APOBEC1: variants seen among roughly 807,000 people sequenced by gnomAD.
APOBEC1 encodes C->U-editing enzyme APOBEC-1.
Under a neutral mutation model 26.3 loss-of-function variants are expected in APOBEC1, and 22 were observed. The ratio of observed to expected loss-of-function variants is 0.84; its 90% CI spans 0.60 to 1.19. The LOEUF is 1.19. Among genes scored for constraint, APOBEC1 ranks in the 50% most tolerant of loss-of-function variants. The pLI is 0.00. For missense variants in APOBEC1, 253 were observed against 289.0 expected, an observed-to-expected ratio of 0.88 and a Z score of 0.90; for synonymous variants, 77 against 95.3, an observed-to-expected ratio of 0.81 and a Z score of 1.12.
chr12:7,665,990 G>T, upstream of APOBEC1: 1 of 1,022,296 alleles, frequency 9.8e-7, no homozygotes, highest in Non-Finnish European at 1.6e-6. Flanking sequence ...ACTCATTCCC[G>T]CATCTCAGGC....
At chr12:7,657,039 T>C (rs1246725651) in intron 1 of APOBEC1, among the ~76,000 whole-genome samples, 1 of 138,930 alleles carries the variant, frequency 7.2e-6, no homozygotes, top group Admixed American at 7.4e-5. Flanking sequence ...GTGTGTTGTA[T>C]ATACGTGTGT....
rs753464442 is a variant in APOBEC1 at position 7,658,360 on chromosome 12, G to A, written c.17-3728C>T. On this transcript the variant is annotated intron_variant, in intron 1 of 4. Transcript: ENST00000229304. ...ATTACAGGCGTGAGCCACCGTGCCC[G>A]GCCAAAATTGGGTTTTTATTTCAGG... Among the ~76,000 whole-genome samples the A allele has an allele frequency of 1.1e-3, 174 of 152,268 alleles. 2 individuals carry two copies. The highest frequency in any genetic ancestry group is 4.0e-3 in the African/African-American group (166 of 41,546).
intron 1 of APOBEC1, among the ~76,000 whole-genome samples, chr12:7,660,410 A>AAGAAAGAAAGAAAGAAAGAAAGAGAG (rs111744018): frequency 2.4e-5 from 2 of 84,260 alleles, no homozygotes; most frequent in African/African-American, 9.2e-5. Flanking sequence ...GAAAGAAAGA[A>AAGAAAGAAAGAAAGAAAGAAAGAGAG]AGAGAGGGTA....
At chr12:7,668,683 C>T (rs1863921116), upstream of APOBEC1, among the ~76,000 whole-genome samples, 1 of 152,026 alleles carries the variant, frequency 6.6e-6, no homozygotes, top group African/African-American at 2.4e-5. Context: ...TATGTAACTA[C>T]TCCAGTCAAG....
intron 1 of APOBEC1, among the ~76,000 whole-genome samples, chr12:7,661,202 T>C (rs1424589186): frequency 1.0e-5 from 1 of 99,130 alleles, no homozygotes; most frequent in African/African-American, 4.3e-5. Flanking sequence ...CGAGACTCCG[T>C]CTCAAAAAAA....
chr12:7,660,398 A>C (rs1166860609), intron 1 of APOBEC1, among the ~76,000 whole-genome samples: 21 of 104,700 alleles, frequency 2.0e-4, no homozygotes, highest in Non-Finnish European at 3.6e-4. Context: ...GAAAGAAAGA[A>C]AGAAAGAAAG....
chr12:7,663,927 G>C (rs760250980), intron 1 of APOBEC1, among the ~76,000 whole-genome samples: 16 of 152,008 alleles, frequency 1.1e-4, no homozygotes, highest in Non-Finnish European at 2.1e-4. Context: ...CGCGATCTCG[G>C]CTCACTGCAA....
intron 1 of APOBEC1, among the ~76,000 whole-genome samples, chr12:7,661,428 A>T (rs1308080716): frequency 6.6e-6 from 1 of 152,122 alleles, no homozygotes. Flanking sequence ...ATTATAATTA[A>T]AAAATAAGAA....
chr12:7,665,805 A>ACACACACACC (rs1863885420), intron 1 of APOBEC1, 52 bp downstream of exon 1: 2 of 1,376,486 alleles, frequency 1.5e-6, no homozygotes, highest in South Asian at 2.3e-5. Context: ...ACACACACAC[A>ACACACACACC]CCATTCTTGC....
chr12:7,665,483 A>C (rs950735296), intron 1 of APOBEC1, among the ~76,000 whole-genome samples: 2 of 151,856 alleles, frequency 1.3e-5, no homozygotes, highest in East Asian at 3.9e-4. Flanking sequence ...TTTTTAGTAC[A>C]GATAGGGTTT....
At chr12:7,665,957 G>T, upstream of APOBEC1, 2 of 1,417,374 alleles carry the variant, frequency 1.4e-6, no homozygotes, top group Non-Finnish European at 2.0e-6. Context: ...TGTGCCCACT[G>T]CCACCTGCTT....
intron 2 of APOBEC1, among the ~76,000 whole-genome samples, 196 bp downstream of exon 2, chr12:7,654,409 T>C (rs1033598900): frequency 2.7e-5 from 4 of 149,126 alleles, no homozygotes; most frequent in Non-Finnish European, 5.9e-5. Context: ...TCTCAGTCTG[T>C]TACCCCGGCT....
chr12:7,650,997 A>T, intron 4 of APOBEC1, 26 bp downstream of exon 4: 1 of 1,508,894 alleles, frequency 6.6e-7, no homozygotes, highest in Non-Finnish European at 9.1e-7. Flanking sequence ...TTTTGCATCA[A>T]CATTTGTGTC....
At chr12:7,655,410 G>A (rs1248525566) in intron 1 of APOBEC1, among the ~76,000 whole-genome samples, 1 of 152,072 alleles carries the variant, frequency 6.6e-6, no homozygotes, top group African/African-American at 2.4e-5. Flanking sequence ...AGCTACTTGG[G>A]AGGCTGAGGC....
chr12:7,669,899 C>T (rs1357265077), upstream of APOBEC1, among the ~76,000 whole-genome samples: 1 of 151,918 alleles, frequency 6.6e-6, no homozygotes, highest in Non-Finnish European at 1.5e-5. Flanking sequence ...ATGCAATGAA[C>T]ATCTTTTCAT....
intron 1 of APOBEC1, among the ~76,000 whole-genome samples, chr12:7,662,073 C>T (rs769610445): frequency 1.4e-3 from 175 of 121,136 alleles, no homozygotes; most frequent in Middle Eastern, 4.3e-3. Flanking sequence ...AGCAAGACCC[C>T]GTCTCTAAAA....
chr12:7,669,970 TC>T (rs1187593382), upstream of APOBEC1, among the ~76,000 whole-genome samples: 1 of 151,786 alleles, frequency 6.6e-6, no homozygotes, highest in African/African-American at 2.4e-5. Flanking sequence ...TTGTCTTCCC[TC>T]CCTACCTCGC....
chr12:7,660,334 GGGAAGGAAGGAA>G (rs756648758), intron 1 of APOBEC1, among the ~76,000 whole-genome samples: 15 of 35,754 alleles, frequency 4.2e-4, no homozygotes, highest in South Asian at 2.4e-3. Context: ...AAGGAAGGAA[GGGAAGGAAGGAA>G]GGAAGGAAGG....
At chr12:7,660,375 G>GAAAGAAAAAGAAAGAAAGAAAGAAAGAAA (rs1555094887) in intron 1 of APOBEC1, among the ~76,000 whole-genome samples, 16 of 23,970 alleles carry the variant, frequency 6.7e-4, no homozygotes, top group African/African-American at 2.0e-3. Context: ...AAGGAAGGAA[G>GAAAGAAAAAGAAAGAAAGAAAGAAAGAAA]GAAAGAAAGA....
Sources: allele counts gnomAD v4.1 joint callset (sites outside exome capture counted in the v4.1 genomes callset), GRCh38; gene constraint gnomAD v4.1.1; transcripts MANE v1.5; gene names NCBI Gene and HGNC (gene_info 2026-07-23, HGNC 2026-07-21).